Variants in PHF6 observed in about 807,000 individuals in gnomAD.
PHF6 encodes PHD finger protein 6, also known as PHD-like zinc finger protein.
PHF6 carries 7 observed loss-of-function variants against 34.0 expected under a neutral mutation model. That is an observed-to-expected ratio of 0.21 (90% CI 0.12 to 0.39). The LOEUF (loss-of-function observed/expected upper bound fraction) is 0.39. PHF6 is among the 10% of genes least tolerant of loss of function. The pLI is 1.00. For synonymous variants in PHF6, 89 were observed against 88.4 expected (o/e 1.01, Z -0.04); for missense variants, 128 against 262.8 (o/e 0.49, Z 3.55).
At chrX:134,402,929 G>T (rs747964606) in intron 5 of PHF6, among the ~76,000 whole-genome samples, 2 of 111,940 alleles carry the variant, frequency 1.8e-5, no homozygotes, top group African/African-American at 6.5e-5. Flanking sequence ...GTAAGACAGT[G>T]AACTTAATTG....
At chrX:134,388,975 C>CTTG (rs2077342516) in intron 3 of PHF6, among the ~76,000 whole-genome samples, 1 of 110,948 alleles carries the variant, frequency 9.0e-6, no homozygotes, top group African/African-American at 3.3e-5. Context: ...ACAATTTAAC[C>CTTG]TTAAGTTAGT....
chrX:134,401,954 A>G (rs996045972), intron 5 of PHF6, among the ~76,000 whole-genome samples: 8 of 106,479 alleles, frequency 7.5e-5, no homozygotes, highest in Non-Finnish European at 1.5e-4. Flanking sequence ...ACCTGCTTTA[A>G]TATTCACTTA....
intron 3 of PHF6, among the ~76,000 whole-genome samples, chrX:134,385,791 A>C (rs1335482665): frequency 4.5e-5 from 5 of 111,263 alleles, no homozygotes; most frequent in Non-Finnish European, 1.9e-5. Flanking sequence ...GAGAGTTTTC[A>C]TGTTTCTTCA....
intron 5 of PHF6, among the ~76,000 whole-genome samples, chrX:134,411,558 A>T (rs750883884): frequency 5.4e-5 from 6 of 110,758 alleles, no homozygotes; most frequent in Non-Finnish European, 9.5e-5. Context: ...ATTAAATGTT[A>T]TTTAATAGTG....
In PHF6 at chrX:134,428,144, A is replaced by G. The variant is rs754336376; in HGVS notation, c.*2484A>G. On this transcript the variant is annotated 3_prime_UTR_variant, in exon 11 of 11. Coordinates refer to ENST00000370803, the MANE Select transcript of PHF6 (RefSeq NM_001015877.2). ...TTCTTTTTTTGTTTTGTTTTTTGTT[A>G]TTGATATTAAACAGTGTAATCTTTG... The G allele has an allele frequency of 6.8e-6, 1 of 146,994 alleles. No individual in the cohort carries two copies. The highest frequency in any genetic ancestry group is 1.3e-5 in the Non-Finnish European group (1 of 75,558). 12.1% of individuals were successfully genotyped at this position (146,994 alleles called of 1,213,427 possible).
intron 7 of PHF6, among the ~76,000 whole-genome samples, chrX:134,414,471 A>G (rs1022025822): frequency 8.9e-5 from 10 of 111,778 alleles, no homozygotes; most frequent in Non-Finnish European, 1.9e-4. Context: ...ACACATAAAT[A>G]TCTTTGACTT....
At chrX:134,377,841 A>G in intron 2 of PHF6, 86 bp downstream of exon 2, 1 of 1,084,125 alleles carries the variant, frequency 9.2e-7, no homozygotes, top group African/African-American at 1.8e-5. Context: ...CTAAAAAAAA[A>G]AACAAAAACC....
chrX:134,387,444 G>A (rs1366227965), intron 3 of PHF6, among the ~76,000 whole-genome samples: 1 of 110,964 alleles, frequency 9.0e-6, no homozygotes, highest in Non-Finnish European at 1.9e-5. Flanking sequence ...TTTGAGCATA[G>A]GTGTGGATGA....
chrX:134,386,360 G>A (rs938673731), intron 3 of PHF6, among the ~76,000 whole-genome samples: 4 of 110,060 alleles, frequency 3.6e-5, no homozygotes, highest in Non-Finnish European at 7.6e-5. Context: ...CAGAAAAGGG[G>A]CAGGGGTGAG....
chrX:134,391,513 T>C (rs2077354425), intron 3 of PHF6, among the ~76,000 whole-genome samples: 1 of 111,678 alleles, frequency 9.0e-6, no homozygotes, highest in Non-Finnish European at 1.9e-5. Context: ...CCATCTTAAC[T>C]GTATCTTGTC....
intron 9 of PHF6, among the ~76,000 whole-genome samples, chrX:134,424,632 A>G (rs1031817561): frequency 2.7e-5 from 3 of 112,028 alleles, no homozygotes; most frequent in African/African-American, 9.7e-5. Flanking sequence ...AAAAACAAGA[A>G]GTTGGAAGGA....
At chrX:134,391,209 G>C (rs1208473851) in intron 3 of PHF6, among the ~76,000 whole-genome samples, 1 of 110,671 alleles carries the variant, frequency 9.0e-6, no homozygotes, top group African/African-American at 3.3e-5. Flanking sequence ...CCTGACCTCA[G>C]GTGATGCGCC....
chrX:134,382,385 T>A (rs2124204962), intron 3 of PHF6, among the ~76,000 whole-genome samples: 1 of 111,116 alleles, frequency 9.0e-6, no homozygotes, highest in Non-Finnish European at 1.9e-5. Flanking sequence ...CTATTCTTAC[T>A]TAACTCCAGT....
chrX:134,410,552 C>T (rs1356975222), intron 5 of PHF6, among the ~76,000 whole-genome samples: 1 of 111,853 alleles, frequency 8.9e-6, no homozygotes, highest in Non-Finnish European at 1.9e-5. Context: ...CTTAATCTTG[C>T]ATGAGCTTAT....
intron 5 of PHF6, among the ~76,000 whole-genome samples, chrX:134,410,462 T>C (rs2077445118): frequency 9.0e-6 from 1 of 111,398 alleles, no homozygotes; most frequent in African/African-American, 3.3e-5. Context: ...AGAAGTTAAA[T>C]ATTTTTAAAC....
At chrX:134,424,624 A>C (rs1296980208) in intron 9 of PHF6, among the ~76,000 whole-genome samples, 3 of 111,982 alleles carry the variant, frequency 2.7e-5, no homozygotes, top group Non-Finnish European at 3.8e-5. Flanking sequence ...TGTTGTGTAA[A>C]AACAAGAAGT....
At chrX:134,405,204 C>T (rs1447929033) in intron 5 of PHF6, among the ~76,000 whole-genome samples, 3 of 111,268 alleles carry the variant, frequency 2.7e-5, no homozygotes, top group African/African-American at 9.8e-5. Flanking sequence ...GTAAAACTGA[C>T]TCCATATTCT....
intron 3 of PHF6, among the ~76,000 whole-genome samples, chrX:134,390,769 G>A (rs979190637): frequency 3.6e-5 from 4 of 110,791 alleles, no homozygotes; most frequent in Non-Finnish European, 7.6e-5. Flanking sequence ...ACTTGCACCT[G>A]TTTTAAAGAA....
In PHF6 at chrX:134,410,876, C is replaced by T. The variant is rs781446898; in HGVS notation, c.419-2615C>T. Among the ~76,000 whole-genome samples, 25 of 108,134 alleles carry T rather than the reference C, an allele frequency of 2.3e-4. No homozygotes were observed. In the South Asian group the frequency reaches 2.4e-3, roughly 10 times the overall value. 93.9% of individuals were successfully genotyped at this position (108,134 alleles called of 115,157 possible). A position where few individuals can be genotyped will look rare whatever the true frequency, so the allele number is the denominator to read the frequency against. The stretch of plus-strand genomic sequence containing the variant: ...TTGTTGGCCAGGCTGGTCTCGAACT[C>T]GTGACCTCAAGTGATCCAACTGCCT... On this transcript the variant is annotated intron_variant, in intron 5 of 10. Coordinates refer to ENST00000370803, the MANE Select transcript of PHF6 (RefSeq NM_001015877.2).
Sources: allele counts gnomAD v4.1 joint callset (sites outside exome capture counted in the v4.1 genomes callset), GRCh38; gene constraint gnomAD v4.1.1; transcripts MANE v1.5; gene names NCBI Gene and HGNC (gene_info 2026-07-23, HGNC 2026-07-21).